Variants in DCC observed in about 807,000 individuals in gnomAD.
DCC encodes netrin receptor DCC.
In DCC, 58 loss-of-function variants were observed where a neutral mutation model predicts 172.5. The observed-to-expected ratio is 0.34, with a 90% confidence interval of 0.27 to 0.42. The LOEUF (loss-of-function observed/expected upper bound fraction) is 0.42, where lower values mean the gene tolerates loss of function less well. Among genes scored for constraint, DCC ranks in the 10% least tolerant of loss-of-function variants. The pLI is 1.00. For missense variants in DCC, 1,740 were observed against 1,791.0 expected, an observed-to-expected ratio of 0.97 and a Z score of 0.51; for synonymous variants, 709 against 644.5, an observed-to-expected ratio of 1.10 and a Z score of -1.52.
chr18:53,309,798 G>A (rs756805581), intron 13 of DCC, among the ~76,000 whole-genome samples: 2 of 151,820 alleles, frequency 1.3e-5, no homozygotes, highest in Admixed American at 6.6e-5. Context: ...AAATATGTAG[G>A]CTTTATTCAT....
intron 7 of DCC, among the ~76,000 whole-genome samples, chr18:53,119,393 T>C (rs1441228980): frequency 6.6e-6 from 1 of 151,712 alleles, no homozygotes; most frequent in Non-Finnish European, 1.5e-5. Context: ...CTGGCTCAAC[T>C]CTCTCACCAG....
At chr18:53,039,197 C>A (rs756920593) in intron 5 of DCC, among the ~76,000 whole-genome samples, 2 of 151,976 alleles carry the variant, frequency 1.3e-5, no homozygotes, top group Non-Finnish European at 2.9e-5. Context: ...TGCATTCACA[C>A]GTTTACTGAT....
intron 1 of DCC, among the ~76,000 whole-genome samples, chr18:52,456,068 C>T (rs372839229): frequency 1.3e-5 from 2 of 152,140 alleles, no homozygotes; most frequent in South Asian, 2.1e-4. Flanking sequence ...TGTGCTGCAT[C>T]GTATCAAGGT....
chr18:53,266,544 G>A (rs4939727), intron 12 of DCC, among the ~76,000 whole-genome samples: 51,939 of 151,736 alleles, frequency 0.34, 10,464 homozygotes, highest in South Asian at 0.57. Context: ...TTAAAACAGC[G>A]TTGTTGAAGT....
chr18:53,344,594 A>G (rs2057701649), intron 15 of DCC, among the ~76,000 whole-genome samples: 1 of 151,208 alleles, frequency 6.6e-6, no homozygotes, highest in Admixed American at 6.6e-5. Context: ...AGCGTGCGCC[A>G]TCGTGCCTGG....
intron 1 of DCC, among the ~76,000 whole-genome samples, chr18:52,669,146 G>A (rs913631375): frequency 1.1e-4 from 16 of 152,158 alleles, no homozygotes; most frequent in African/African-American, 3.4e-4. Context: ...ATCATGAGAA[G>A]TTGAAGCTGT....
intron 2 of DCC, among the ~76,000 whole-genome samples, chr18:52,825,260 G>A (rs1222742935): frequency 1.3e-5 from 2 of 151,972 alleles, no homozygotes; most frequent in African/African-American, 4.8e-5. Context: ...TTATCTCTTG[G>A]CTTCCTCACT....
intron 25 of DCC, among the ~76,000 whole-genome samples, chr18:53,471,416 C>T (rs777194416): frequency 5.3e-5 from 8 of 152,078 alleles, no homozygotes; most frequent in African/African-American, 1.7e-4. Context: ...ATTTTTTGTA[C>T]CCATTAATCT....
intron 1 of DCC, among the ~76,000 whole-genome samples, chr18:52,388,434 G>C (rs1021734338): frequency 1.3e-5 from 2 of 151,956 alleles, no homozygotes; most frequent in African/African-American, 4.8e-5. Context: ...TATTATTTAG[G>C]TTCTGCCAAA....
intron 18 of DCC, among the ~76,000 whole-genome samples, chr18:53,400,183 G>C (rs1909210762): frequency 6.6e-6 from 1 of 152,026 alleles, no homozygotes; most frequent in Non-Finnish European, 1.5e-5. Flanking sequence ...ATTCTGTCTG[G>C]AAAAATAAGA....
At chr18:53,371,096 G>A (rs2058056303) in intron 15 of DCC, among the ~76,000 whole-genome samples, 1 of 151,414 alleles carries the variant, frequency 6.6e-6, no homozygotes, top group African/African-American at 2.4e-5. Flanking sequence ...TATTTTATCA[G>A]TGGATTTGGT....
chr18:52,838,240 G>T (rs1194545957), intron 2 of DCC, among the ~76,000 whole-genome samples: 3 of 152,038 alleles, frequency 2.0e-5, no homozygotes, highest in South Asian at 4.1e-4. Flanking sequence ...TTTAGAGGGG[G>T]TATTATACTT....
At chr18:53,282,276 G>A (rs576069251) in intron 12 of DCC, among the ~76,000 whole-genome samples, 5 of 152,136 alleles carry the variant, frequency 3.3e-5, no homozygotes, top group Admixed American at 6.6e-5. Context: ...CACAGGCCAT[G>A]CTGACTGCAA....
intron 12 of DCC, among the ~76,000 whole-genome samples, chr18:53,235,605 G>T (rs2056189408): frequency 6.6e-6 from 1 of 152,058 alleles, no homozygotes; most frequent in African/African-American, 2.4e-5. Context: ...GCTATCTTTT[G>T]TACATGTAGT....
chr18:53,318,335 G>A (rs960918707), intron 13 of DCC, among the ~76,000 whole-genome samples: 3 of 152,092 alleles, frequency 2.0e-5, no homozygotes, highest in African/African-American at 7.2e-5. Flanking sequence ...GTTGCACTGT[G>A]GTCTAAGAGA....
chr18:52,399,691 C>A (rs141564638), intron 1 of DCC, among the ~76,000 whole-genome samples: 4 of 152,002 alleles, frequency 2.6e-5, no homozygotes, highest in East Asian at 2.0e-4. Flanking sequence ...TATTTGTTCT[C>A]ACTTTTCTGT....
intron 2 of DCC, among the ~76,000 whole-genome samples, chr18:52,867,255 T>C (rs1351027710): frequency 6.6e-6 from 1 of 152,216 alleles, no homozygotes; most frequent in Non-Finnish European, 1.5e-5. Context: ...GATAAGCTTT[T>C]TGATGTGCTG....
intron 1 of DCC, among the ~76,000 whole-genome samples, chr18:52,596,279 T>C (rs1287631626): frequency 6.6e-6 from 1 of 152,164 alleles, no homozygotes; most frequent in Non-Finnish European, 1.5e-5. Flanking sequence ...GGAAACACAA[T>C]TCAAATATAA....
intron 1 of DCC, among the ~76,000 whole-genome samples, chr18:52,704,893 G>A (rs2036180565): frequency 6.6e-6 from 1 of 152,096 alleles, no homozygotes. Context: ...CTTTGAGCTG[G>A]AGGCTATGTT....
Sources: allele counts gnomAD v4.1 joint callset (sites outside exome capture counted in the v4.1 genomes callset), GRCh38; gene constraint gnomAD v4.1.1; transcripts MANE v1.5; gene names NCBI Gene and HGNC (gene_info 2026-07-23, HGNC 2026-07-21).